The following CHD9 variants were observed in gnomAD, a reference collection of about 807,000 sequenced individuals.
CHD9 encodes the protein chromodomain helicase DNA binding protein 9.
CHD9 carries 77 observed loss-of-function variants against 316.1 expected under a neutral mutation model. The ratio of observed to expected loss-of-function variants is 0.24; its 90% CI spans 0.20 to 0.29. CHD9 has a LOEUF of 0.29. Ranked by LOEUF, CHD9 falls within the 10% of genes least tolerant of loss-of-function variation. The pLI, the probability that CHD9 is intolerant of heterozygous loss-of-function variation, is 1.00. For missense variants in CHD9, 2,763 were observed against 3,438.1 expected (o/e 0.80, Z 4.91); for synonymous variants, 1,129 against 1,158.3 (o/e 0.97, Z 0.51).
At chr16:53,188,126 A>G (rs577375318) in intron 2 of CHD9, among the ~76,000 whole-genome samples, 2 of 152,230 alleles carry the variant, frequency 1.3e-5, no homozygotes, top group Admixed American at 6.5e-5. Context: ...GCTTCTTAGC[A>G]TAATATTTTC....
At chr16:53,259,643 G>T (rs1336561133) in intron 19 of CHD9, among the ~76,000 whole-genome samples, 2 of 152,094 alleles carry the variant, frequency 1.3e-5, no homozygotes, top group African/African-American at 2.4e-5. Flanking sequence ...CTCCCATGTT[G>T]CTGGGACCAC....
chr16:53,292,736 T>C, intron 28 of CHD9, 97 bp from the exon 29 acceptor site: 1 of 891,818 alleles, frequency 1.1e-6, no homozygotes, highest in African/African-American at 1.7e-5. Context: ...TTTCCCCACA[T>C]AGATTGAATT....
At chr16:53,265,940 A>G (rs906506855) in intron 20 of CHD9, among the ~76,000 whole-genome samples, 1 of 151,780 alleles carries the variant, frequency 6.6e-6, no homozygotes, top group Admixed American at 6.6e-5. Flanking sequence ...GGAAAAAGAC[A>G]TTTGAAAATT....
chr16:53,319,062 A>G (rs1307460549), intron 37 of CHD9, among the ~76,000 whole-genome samples: 1 of 152,230 alleles, frequency 6.6e-6, no homozygotes, highest in Admixed American at 6.5e-5. Context: ...ATAGACTTAC[A>G]TAGATTTCTT....
At chr16:53,138,539 C>T (rs993485609) in intron 1 of CHD9, among the ~76,000 whole-genome samples, 4 of 152,064 alleles carry the variant, frequency 2.6e-5, no homozygotes, top group African/African-American at 4.8e-5. Flanking sequence ...TTCCAGGAGG[C>T]GAAGGGGTTA....
At chr16:53,066,403 C>T (rs1215350998) in intron 1 of CHD9, among the ~76,000 whole-genome samples, 1 of 152,100 alleles carries the variant, frequency 6.6e-6, no homozygotes, top group Non-Finnish European at 1.5e-5. Flanking sequence ...GCAAGCAGAC[C>T]TTTTACCAGC....
chr16:53,098,112 C>G (rs1232819323), intron 1 of CHD9, among the ~76,000 whole-genome samples: 1 of 151,266 alleles, frequency 6.6e-6, no homozygotes. Context: ...AAGAGCGAGA[C>G]TTCGTCTCAA....
chr16:53,205,640 GA>G (rs2045838498), intron 2 of CHD9, among the ~76,000 whole-genome samples: 2 of 152,204 alleles, frequency 1.3e-5, no homozygotes, highest in Admixed American at 6.5e-5. Context: ...TTTCATCATA[GA>G]TTTATTAAGG....
At chr16:53,069,846 C>T (rs1013672580) in intron 1 of CHD9, among the ~76,000 whole-genome samples, 18 of 152,294 alleles carry the variant, frequency 1.2e-4, no homozygotes, top group African/African-American at 4.3e-4. Flanking sequence ...CATTTTACAT[C>T]CCACCAACAA....
chr16:53,256,388 T>C (rs1343845923), intron 19 of CHD9, among the ~76,000 whole-genome samples: 3 of 142,934 alleles, frequency 2.1e-5, no homozygotes, highest in East Asian at 2.0e-4. Context: ...TTTCTTTTTT[T>C]TTTTTTTTTT....
At chr16:53,279,051 C>T (rs1332028905) in intron 24 of CHD9, among the ~76,000 whole-genome samples, 2 of 152,176 alleles carry the variant, frequency 1.3e-5, no homozygotes, top group Admixed American at 1.3e-4. Flanking sequence ...TATAAAGACA[C>T]ATGCACACGT....
intron 24 of CHD9, among the ~76,000 whole-genome samples, chr16:53,285,024 C>G (rs913265937): frequency 1.3e-5 from 2 of 152,106 alleles, no homozygotes; most frequent in African/African-American, 4.8e-5. Flanking sequence ...GCCTCTGCCC[C>G]CTAAAGTGTT....
chr16:53,263,143 T>C, intron 20 of CHD9, 46 bp downstream of exon 20: 2 of 1,367,840 alleles, frequency 1.5e-6, no homozygotes, highest in Non-Finnish European at 2.1e-6. Flanking sequence ...TTGGGATACT[T>C]TGGCAATAGT....
intron 2 of CHD9, among the ~76,000 whole-genome samples, chr16:53,165,433 C>T (rs1001503908): frequency 2.0e-5 from 3 of 152,112 alleles, no homozygotes; most frequent in Non-Finnish European, 4.4e-5. Flanking sequence ...TTTAGCAAGA[C>T]TCAAAAACTT....
At chr16:53,202,229 C>T (rs1328164260) in intron 2 of CHD9, among the ~76,000 whole-genome samples, 1 of 152,110 alleles carries the variant, frequency 6.6e-6, no homozygotes, top group East Asian at 1.9e-4. Context: ...CCATAATTCT[C>T]ATATAATCAA....
Position 53,303,182 on chromosome 16 carries a change from GT to G in CHD9, c.5714-522del, listed in dbSNP as rs375440655. 2.7e-3 allele frequency among the ~76,000 whole-genome samples: 355 copies of G among 133,814 alleles called. 1 individual carries two copies. The highest frequency in any genetic ancestry group is 7.6e-3 in the Middle Eastern group (2 of 264). The allele number at this position is 133,814 out of a possible 152,430, so 87.8% of individuals were successfully genotyped here. On this transcript the variant is annotated intron_variant, in intron 30 of 38. Transcript: ENST00000447540. ...CGTAAACTTTCTTAAAATATTATGA[GT>G]TTTTTTTTTTTTTTTGCAATTTTTT...
chr16:53,256,842 T>C (rs1349530472), intron 19 of CHD9, among the ~76,000 whole-genome samples: 2 of 152,154 alleles, frequency 1.3e-5, no homozygotes, highest in African/African-American at 2.4e-5. Flanking sequence ...CCAGAAGTTT[T>C]TCTTTATCTT....
At chr16:53,153,926 TGTGA>T (rs1415024909) in intron 1 of CHD9, among the ~76,000 whole-genome samples, 1 of 152,178 alleles carries the variant, frequency 6.6e-6, no homozygotes, top group Non-Finnish European at 1.5e-5. Flanking sequence ...TATTCTGGCA[TGTGA>T]GTATCTGTAT....
rs1197015085 is a variant in CHD9 at position 53,293,032 on chromosome 16, C to A, written c.5490C>A (p.Ala1830=). ...CCACTCTTAATCCTAAAATGGCAGCCAAGATAGAAAGACAGCAAAGGTAAG... is the reference window on the plus strand; with the variant it reads ...CCACTCTTAATCCTAAAATGGCAGCAAAGATAGAAAGACAGCAAAGGTAAG... The part of the protein sequence containing the change: ...EEATLNPKMA[A]KIERQQRWTR... The change falls in exon 29 of 39, where the codon GCC becomes GCA. Residue 1830 remains alanine, a synonymous_variant. Transcript: ENST00000447540. 10 of 1,612,636 alleles carry A rather than the reference C, an allele frequency of 6.2e-6. No homozygotes were observed. In the African/African-American group the frequency reaches 1.1e-4, roughly 17 times the overall value.
Sources: gnomAD v4.1 joint callset for allele counts (sites outside exome capture counted in the v4.1 genomes callset) on GRCh38, gnomAD v4.1.1 for gene constraint, MANE v1.5 for transcripts, NCBI Gene and HGNC (gene_info 2026-07-23, HGNC 2026-07-21) for gene names.